Variants in TBC1D30 observed in about 807,000 individuals in gnomAD.
TBC1D30 encodes the protein TBC1 domain family member 30, also known as TBC1 domain family, member 30.
Under a neutral mutation model 63.2 loss-of-function variants are expected in TBC1D30, and 31 were observed. That is an observed-to-expected ratio of 0.49 (90% CI 0.37 to 0.66). The LOEUF is 0.66. Among genes scored for constraint, TBC1D30 ranks in the 30% least tolerant of loss-of-function variants. The pLI is 0.00. For missense variants in TBC1D30, 810 were observed against 953.6 expected (o/e 0.85, Z 1.98); for synonymous variants, 307 against 361.5 (o/e 0.85, Z 1.71).
At chr12:64,790,979 T>C (rs1007075434) in intron 2 of TBC1D30, among the ~76,000 whole-genome samples, 2 of 152,212 alleles carry the variant, frequency 1.3e-5, no homozygotes, top group Admixed American at 1.3e-4. Context: ...CAAAAACTTG[T>C]ACAAAAATGT....
At chr12:64,859,846 C>G (rs777630199) in intron 8 of TBC1D30, among the ~76,000 whole-genome samples, 2 of 152,048 alleles carry the variant, frequency 1.3e-5, no homozygotes, top group Non-Finnish European at 2.9e-5. Flanking sequence ...TAGGCCATTG[C>G]TTATTCTGCA....
intron 1 of TBC1D30, among the ~76,000 whole-genome samples, chr12:64,773,642 G>T (rs1369956253): frequency 6.6e-6 from 1 of 152,168 alleles, no homozygotes; most frequent in Admixed American, 6.5e-5. Flanking sequence ...GGGGTGGGCT[G>T]CCCTCTTTGC....
intron 2 of TBC1D30, among the ~76,000 whole-genome samples, chr12:64,804,147 T>C (rs879938605): frequency 5.9e-5 from 9 of 152,238 alleles, no homozygotes; most frequent in Admixed American, 1.3e-4. Context: ...TTCCATTTGT[T>C]TGTGTCCTCT....
intron 1 of TBC1D30, among the ~76,000 whole-genome samples, chr12:64,762,733 T>C (rs939779471): frequency 2.6e-5 from 4 of 152,258 alleles, no homozygotes; most frequent in South Asian, 4.1e-4. Context: ...ATGTGCTCTT[T>C]AATCATCTCT....
intron 10 of TBC1D30, chr12:64,868,263 T>G (rs1247925669): frequency 6.4e-6 from 1 of 156,728 alleles, no homozygotes; most frequent in Non-Finnish European, 1.4e-5. Flanking sequence ...TTACTTTAGG[T>G]TTGGGTACCG....
chr12:64,794,085 T>G (rs1872104080), intron 2 of TBC1D30, among the ~76,000 whole-genome samples: 1 of 152,256 alleles, frequency 6.6e-6, no homozygotes, highest in African/African-American at 2.4e-5. Flanking sequence ...CTTGCTGTAT[T>G]GCCTTCTCAC....
intron 2 of TBC1D30, among the ~76,000 whole-genome samples, chr12:64,793,235 C>T (rs190996017): frequency 1.3e-5 from 2 of 152,064 alleles, no homozygotes; most frequent in East Asian, 3.9e-4. Context: ...CCCAGCTACT[C>T]GGGAGGCTGA....
intron 7 of TBC1D30, among the ~76,000 whole-genome samples, chr12:64,840,914 A>G (rs1010256269): frequency 2.6e-5 from 4 of 152,244 alleles, no homozygotes; most frequent in South Asian, 4.1e-4. Flanking sequence ...GACATACATC[A>G]TAAGTGCCTG....
At chr12:64,793,386 G>A (rs995129722) in intron 2 of TBC1D30, among the ~76,000 whole-genome samples, 4 of 150,802 alleles carry the variant, frequency 2.7e-5, no homozygotes, top group South Asian at 2.1e-4. Context: ...TGGCTCATGC[G>A]TGTAATCCCA....
At chr12:64,819,308 T>C (rs181184965) in intron 2 of TBC1D30, among the ~76,000 whole-genome samples, 2 of 151,746 alleles carry the variant, frequency 1.3e-5, no homozygotes, top group Admixed American at 1.3e-4. Context: ...CTCAATTTCC[T>C]CCTGCTGCCC....
At chr12:64,762,923 C>T (rs1870568727) in intron 1 of TBC1D30, among the ~76,000 whole-genome samples, 1 of 152,130 alleles carries the variant, frequency 6.6e-6, no homozygotes. Flanking sequence ...TTTCAGAAAA[C>T]TCTATCAAAT....
chr12:64,792,797 C>A (rs891138411), intron 2 of TBC1D30, among the ~76,000 whole-genome samples: 2 of 152,098 alleles, frequency 1.3e-5, no homozygotes, highest in Non-Finnish European at 2.9e-5. Flanking sequence ...TGGTCTTAAA[C>A]CCATGACCTC....
chr12:64,768,179 C>CT (rs1479126443), intron 1 of TBC1D30, among the ~76,000 whole-genome samples: 1 of 152,034 alleles, frequency 6.6e-6, no homozygotes. Flanking sequence ...AAATATAAAA[C>CT]TTTTTCTTTA....
At chr12:64,766,101 G>T (rs1277040971) in intron 1 of TBC1D30, among the ~76,000 whole-genome samples, 4 of 152,000 alleles carry the variant, frequency 2.6e-5, no homozygotes, top group African/African-American at 4.8e-5. Flanking sequence ...TAAACAATAT[G>T]GGGGGGAGAT....
At chr12:64,786,054 T>G (rs1176641687) in intron 2 of TBC1D30, 1 of 1,277,104 alleles carries the variant, frequency 7.8e-7, no homozygotes, top group Non-Finnish European at 1.0e-6. Flanking sequence ...AAGTAAGTAC[T>G]GGAATTGGGT....
chr12:64,848,553 C>T (rs1876591603), intron 8 of TBC1D30, among the ~76,000 whole-genome samples: 1 of 152,146 alleles, frequency 6.6e-6, no homozygotes, highest in Non-Finnish European at 1.5e-5. Context: ...TGTTACTTTG[C>T]TGAGAATGAT....
At chr12:64,861,919 G>A (rs1877827065) in intron 8 of TBC1D30, among the ~76,000 whole-genome samples, 1 of 152,090 alleles carries the variant, frequency 6.6e-6, no homozygotes. Context: ...GAAATTACAA[G>A]GGTATGGATA....
chr12:64,824,211 CAAT>C (rs1306338226), upstream of TBC1D30, among the ~76,000 whole-genome samples: 1 of 149,212 alleles, frequency 6.7e-6, no homozygotes, highest in African/African-American at 2.6e-5. Flanking sequence ...CTAAAAGAAA[CAAT>C]AATTTTTTTT....
In TBC1D30 at chr12:64,878,016, C is replaced by A. The variant is rs1303159017; in HGVS notation, c.*2228C>A. 5.7e-6 allele frequency: 1 copy of A among 176,114 alleles called. No individual in the cohort carries two copies. The highest frequency in any genetic ancestry group is 1.2e-5 in the Non-Finnish European group (1 of 81,714). The allele number at this position is 176,114 out of a possible 1,614,324, so 10.9% of individuals were successfully genotyped here. A position where few individuals can be genotyped will look rare whatever the true frequency, so the allele number is the denominator to read the frequency against. Reference sequence around the variant, plus strand: ...CAACACATGCTGTGCCCTGTGAACACTCTCCTCTCACCTATTTCCAGGGTT... The same window carrying A: ...CAACACATGCTGTGCCCTGTGAACAATCTCCTCTCACCTATTTCCAGGGTT... On this transcript the variant is annotated 3_prime_UTR_variant, in exon 12 of 12. Transcript: ENST00000539867.
Sources: allele counts gnomAD v4.1 joint callset (sites outside exome capture counted in the v4.1 genomes callset), GRCh38; gene constraint gnomAD v4.1.1; transcripts MANE v1.5; gene names NCBI Gene and HGNC (gene_info 2026-07-23, HGNC 2026-07-21).